Variants in KRT28 observed in about 807,000 individuals in gnomAD.
KRT28 encodes the protein keratin, type I cytoskeletal 28.
A neutral mutation model predicts 48.1 loss-of-function variants in KRT28; 45 were observed. The observed-to-expected ratio is 0.94, with a 90% CI of 0.74 to 1.20. The LOEUF (loss-of-function observed/expected upper bound fraction) is 1.20, where lower values mean the gene tolerates loss of function less well. Among genes scored for constraint, KRT28 ranks in the 50% most tolerant of loss-of-function variants. The pLI, the probability that KRT28 is intolerant of heterozygous loss-of-function variation, is 0.00. For missense variants in KRT28, 571 were observed against 574.1 expected, an observed-to-expected ratio of 0.99 and a Z score of 0.06; for synonymous variants, 228 against 227.4, an observed-to-expected ratio of 1.00 and a Z score of -0.03.
rs983834046 is a variant in KRT28 at position 40,796,301 on chromosome 17, C to T, written c.978+615G>A. Among the ~76,000 whole-genome samples the T allele has an allele frequency of 7.9e-5, 12 of 152,310 alleles. No homozygotes were observed. In the East Asian group the frequency reaches 1.5e-3, roughly 20 times the overall value. ...GAAGCCATTTTTAATCCTGGGTTGA[C>T]GCCATGCTGACCTTTGAAGTAAGCC... On this transcript the variant is annotated intron_variant, in intron 5 of 7. Transcript: ENST00000306658.
At chr17:40,795,486 G>A (rs116180231) in intron 5 of KRT28, among the ~76,000 whole-genome samples, 7,391 of 152,174 alleles carry the variant, frequency 0.049, 555 homozygotes, top group East Asian at 0.19. Context: ...GGAAGCAAAC[G>A]TGAACATTTG....
At chr17:40,793,337 A>G in intron 6 of KRT28, 127 bp from the exon 7 acceptor site, 1 of 552,126 alleles carries the variant, frequency 1.8e-6, no homozygotes, top group Admixed American at 3.9e-5. Context: ...GGAAACTCTT[A>G]AGATTTTTAT....
chr17:40,796,965 C>A lies in KRT28; in HGVS notation c.929G>T (p.Arg310Met). The A allele has an allele frequency of 1.2e-6, 2 of 1,612,886 alleles. No homozygotes were observed. Among genetic ancestry groups the A allele is most frequent in the Non-Finnish European group, 1.7e-6 (2 of 1,179,796 alleles). ...TFARSQLTEM[R>M]RTLQTLEIQL... Reference sequence around the variant, plus strand: ...GATCTCCAGGGTCTGCAGGGTGCGCCTCATCTCGGTGAGCTGGCTCCGGGC... The same window carrying A: ...GATCTCCAGGGTCTGCAGGGTGCGCATCATCTCGGTGAGCTGGCTCCGGGC... Residue 310 changes from arginine (R) to methionine (M), a missense_variant, in exon 5 of 8, where the codon AGG becomes ATG. Transcript: ENST00000306658.
chr17:40,795,928 G>A (rs747782462), intron 5 of KRT28, among the ~76,000 whole-genome samples: 41 of 152,110 alleles, frequency 2.7e-4, no homozygotes, highest in African/African-American at 3.9e-4. Context: ...GGGGTGTCTC[G>A]GGTACCTGCT....
At chr17:40,797,087 G>A (rs1187835918) in intron 4 of KRT28, 33 bp downstream of exon 4, 1 of 1,612,046 alleles carries the variant, frequency 6.2e-7, no homozygotes, top group Non-Finnish European at 8.5e-7. Flanking sequence ...CACCCCCGGG[G>A]AGGTGTGAGC....
At chr17:40,796,534 C>A (rs1423514039) in intron 5 of KRT28, among the ~76,000 whole-genome samples, 1 of 152,218 alleles carries the variant, frequency 6.6e-6, no homozygotes, top group Non-Finnish European at 1.5e-5. Context: ...TGGTGTGATG[C>A]TGGCTCCCTG....
Position 40,797,058 on chromosome 17 carries a change from A to G in KRT28, c.853-17T>C, listed in dbSNP as rs376184129. The G allele has an allele frequency of 6.2e-7, 1 of 1,610,190 alleles. No individual in the cohort carries two copies. Among genetic ancestry groups the G allele is most frequent in the Non-Finnish European group, 8.5e-7 (1 of 1,177,732 alleles). ...CGAGGCGCTCTGTAGGGCCGGGAAA[A>G]AGGGTCACACGGAGTCCCCACCCCC... On this transcript the variant is annotated splice_polypyrimidine_tract_variant and intron_variant, in intron 4 of 7. Transcript: ENST00000306658.
chr17:40,796,910 A>G lies in KRT28; in HGVS notation c.978+6T>C. 1 of 1,591,172 alleles carries G rather than the reference A, an allele frequency of 6.3e-7. No individual in the cohort carries two copies. Among genetic ancestry groups the G allele is most frequent in the Non-Finnish European group, 8.5e-7 (1 of 1,170,704 alleles). ...AGGATCCAGGCTGACCTTCGCTGTC[A>G]CCTACCGTGGCCATCAGGGACTGCA... On this transcript the variant is annotated splice_donor_region_variant and intron_variant, in intron 5 of 7. Coordinates refer to ENST00000306658, the MANE Select transcript of KRT28 (RefSeq NM_181535.3).
rs1209570087 is a variant in KRT28, at chr17:40,796,846, G to A, written c.978+70C>T. Reference sequence around the variant, plus strand: ...GGTATAATAGGAAAAAAGAAGGAAGGGCAGAGGGAAGTGTTTCTCGGAGGC... The same window carrying A: ...GGTATAATAGGAAAAAAGAAGGAAGAGCAGAGGGAAGTGTTTCTCGGAGGC... On this transcript the variant is annotated intron_variant, in intron 5 of 7. Transcript: ENST00000306658. The A allele has an allele frequency of 2.7e-6, 4 of 1,506,626 alleles. No individual in the cohort carries two copies. In the Admixed American group the frequency reaches 6.6e-5, roughly 25 times the overall value. The allele number at this position is 1,506,626 out of a possible 1,614,324, so 93.3% of individuals were successfully genotyped here.
chr17:40,799,722 C>A lies in KRT28; in HGVS notation c.172G>T (p.Gly58Cys). 6.2e-7 allele frequency: 1 copy of A among 1,614,052 alleles called. No individual in the cohort carries two copies. The highest frequency in any genetic ancestry group is 8.5e-7 in the Non-Finnish European group (1 of 1,180,012). Residue 58 changes from glycine to cysteine, a missense_variant, in exon 1 of 8, where the codon GGT becomes TGT. Gly to Cys is a radical substitution (Grantham distance 159, BLOSUM62 -3). Coordinates refer to ENST00000306658, the MANE Select transcript of KRT28 (RefSeq NM_181535.3). ...ALGGGLGSVP[G>C]GSHAGGALGN... Reference sequence around the variant, plus strand: ...AGGGCACCACCAGCATGGCTCCCACCAGGAACACTGCCCAAGCCCCCTCCC... The same window carrying A: ...AGGGCACCACCAGCATGGCTCCCACAAGGAACACTGCCCAAGCCCCCTCCC...
At chr17:40,796,243 CT>C (rs769481377) in intron 5 of KRT28, among the ~76,000 whole-genome samples, 2 of 152,142 alleles carry the variant, frequency 1.3e-5, no homozygotes, top group Non-Finnish European at 2.9e-5. Flanking sequence ...AAAGTCAAGC[CT>C]TTTGGGCACT....
At chr17:40,792,774 G>T (rs1314619228) in intron 7 of KRT28, among the ~76,000 whole-genome samples, 1 of 152,156 alleles carries the variant, frequency 6.6e-6, no homozygotes, top group Non-Finnish European at 1.5e-5. Context: ...GACTACGGTT[G>T]TAGTGTATGA....
Position 40,798,651 on chromosome 17 carries a change from C to G in KRT28, c.534-260G>C, listed in dbSNP as rs4527073. Among the ~76,000 whole-genome samples the G allele has an allele frequency of 2.0e-5, 3 of 151,894 alleles. No individual in the cohort carries two copies. The East Asian group carries it at 5.8e-4, about 29-fold the overall frequency. On this transcript the variant is annotated intron_variant, in intron 2 of 7. Transcript: ENST00000306658. ...CATTTTGGAATTTTATTTTAGTTAA[C>G]GTTTTTCCTTAGTTGACTAATGATT... is the stretch of plus-strand genomic sequence containing the variant.
rs767879336 is a variant in KRT28, at chr17:40,797,257, C to A, written c.715G>T (p.Ala239Ser). The change falls in exon 4 of 8, where the codon GCT becomes TCT. Residue 239 changes from alanine (A) to serine (S), a missense_variant. Physicochemically the swap from Ala to Ser is moderately conservative, Grantham distance 99 (BLOSUM62 1). Coordinates refer to ENST00000306658, the MANE Select transcript of KRT28 (RefSeq NM_181535.3). ...EEEMKALQCA[A>S]GGNVNVEMNA... ...ATCTCCACGTTCACGTTGCCCCCAG[C>A]CGCGCACTGCAGAGCCTTCATCTCC... The A allele has an allele frequency of 3.7e-6, 6 of 1,613,890 alleles. No homozygotes were observed. Among genetic ancestry groups the A allele is most frequent in the Non-Finnish European group, 5.1e-6 (6 of 1,179,818 alleles).
rs977361774 is a variant in KRT28 at position 40,796,895 on chromosome 17, C to G, written c.978+21G>C. ...GCTTTCTAGAATCACAGGATCCAGG[C>G]TGACCTTCGCTGTCACCTACCGTGG... On this transcript the variant is annotated intron_variant, in intron 5 of 7. Transcript: ENST00000306658. The G allele has an allele frequency of 7.7e-6, 12 of 1,566,620 alleles. 1 individual carries two copies. The South Asian group carries it at 1.4e-4, about 18-fold the overall frequency.
chr17:40,797,083 C>T (rs553339035), intron 4 of KRT28, 37 bp downstream of exon 4: 3 of 1,611,360 alleles, frequency 1.9e-6, no homozygotes, highest in East Asian at 2.2e-5. Flanking sequence ...TCCCCACCCC[C>T]GGGGAGGTGT....
At position 40,796,973 on chromosome 17, in the gene KRT28, G is replaced by C. The variant is rs779150236; in HGVS notation, c.921C>G (p.Thr307=). The C allele has an allele frequency of 6.2e-7, 1 of 1,612,992 alleles. No homozygotes were observed. The highest frequency in any genetic ancestry group is 1.7e-4 in the Middle Eastern group (1 of 6,052). Residue 307 remains threonine (T), a synonymous_variant, in exon 5 of 8, where the codon ACC becomes ACG. Coordinates refer to ENST00000306658, the MANE Select transcript of KRT28 (RefSeq NM_181535.3). ...GAATFARSQL[T]EMRRTLQTLE... ...GGGTCTGCAGGGTGCGCCTCATCTC[G>C]GTGAGCTGGCTCCGGGCGAAAGTGG...
rs1170362388 is a variant in KRT28 at position 40,793,207 on chromosome 17, T to G, written c.1200A>C (p.Ser400=). 25 of 1,546,782 alleles carry G rather than the reference T, an allele frequency of 1.6e-5. No homozygotes were observed. Among genetic ancestry groups the G allele is most frequent in the Non-Finnish European group, 2.1e-5 (24 of 1,143,948 alleles). The part of the protein sequence containing the change: ...YCRLIDGDGN[S]CSKSKGFGSG... ...ATCCAAAGCCCTTTGATTTGGAGCA[T>G]GAACTGTAAAAGAAATATAGTTTAT... is the stretch of plus-strand genomic sequence containing the variant. Residue 400 remains serine, a synonymous_variant, in exon 7 of 8, where the codon TCA becomes TCC. Coordinates refer to ENST00000306658, the MANE Select transcript of KRT28 (RefSeq NM_181535.3).
chr17:40,793,846 CA>C lies in KRT28; in HGVS notation c.1178del (p.Leu393ArgfsTer2). ...TTACTTACTTTCCATCTCCATCTATCAGGCGGCAGTAGGTCTCAATTTCTTT... is the reference window on the plus strand; with the variant it reads ...TTACTTACTTTCCATCTCCATCTATCGGCGGCAGTAGGTCTCAATTTCTTT... ...LEKEIETYCRLIDGDGNSCSK... is the reference protein window; with the variant it reads ...LEKEIETYCRXIDGDGNSCSK... On this transcript the variant is annotated frameshift_variant, in exon 6 of 8. Transcript: ENST00000306658. LOFTEE classifies it high-confidence loss of function. 5 of 1,613,970 alleles carry C rather than the reference CA, an allele frequency of 3.1e-6. No homozygotes were observed. Among genetic ancestry groups the C allele is most frequent in the Non-Finnish European group, 4.2e-6 (5 of 1,179,864 alleles).
Sources: allele counts gnomAD v4.1 joint callset (sites outside exome capture counted in the v4.1 genomes callset), GRCh38; gene constraint gnomAD v4.1.1; transcripts MANE v1.5; gene names NCBI Gene and HGNC (gene_info 2026-07-23, HGNC 2026-07-21).